HMBOX1: variants seen among roughly 807,000 people sequenced by gnomAD.
The protein encoded by HMBOX1 is homeobox-containing protein 1.
HMBOX1 carries 14 observed loss-of-function variants against 54.5 expected under a neutral mutation model. That is an observed-to-expected ratio of 0.26 (90% CI 0.17 to 0.40). The LOEUF is 0.40. Among genes scored for constraint, HMBOX1 ranks in the 10% least tolerant of loss-of-function variants. HMBOX1 has a pLI of 1.00. For missense variants in HMBOX1, 332 were observed against 514.4 expected (o/e 0.65, Z 3.43); for synonymous variants, 160 against 181.0 (o/e 0.88, Z 0.93).
chr8:28,959,275 A>G (rs1236975984), intron 1 of HMBOX1, among the ~76,000 whole-genome samples: 1 of 152,120 alleles, frequency 6.6e-6, no homozygotes, highest in Admixed American at 6.5e-5. Flanking sequence ...AATAAGTATT[A>G]CTTAAACAGG....
intron 1 of HMBOX1, among the ~76,000 whole-genome samples, chr8:28,940,554 A>G (rs1361030811): frequency 1.3e-5 from 2 of 152,212 alleles, no homozygotes; most frequent in Non-Finnish European, 2.9e-5. Context: ...TTTCTCTGTT[A>G]TATTCCTAAT....
intron 1 of HMBOX1, among the ~76,000 whole-genome samples, chr8:28,935,865 C>CT (rs1276164735): frequency 1.3e-5 from 2 of 152,048 alleles, no homozygotes; most frequent in Non-Finnish European, 2.9e-5. Flanking sequence ...AATCTTGACT[C>CT]TGACACTTGT....
chr8:28,904,105 G>A (rs1813784201), intron 1 of HMBOX1, among the ~76,000 whole-genome samples: 1 of 151,896 alleles, frequency 6.6e-6, no homozygotes, highest in Non-Finnish European at 1.5e-5. Context: ...TCTATCAGTT[G>A]ACACTCTACA....
intron 6 of HMBOX1, among the ~76,000 whole-genome samples, chr8:29,034,594 A>AATTGTATCCAG (rs1395419715): frequency 6.6e-6 from 1 of 152,226 alleles, no homozygotes; most frequent in East Asian, 1.9e-4. Context: ...ACGGTGGCTC[A>AATTGTATCCAG]CACCTGTATC....
At chr8:28,967,795 T>C (rs893256702) in intron 2 of HMBOX1, among the ~76,000 whole-genome samples, 3 of 152,234 alleles carry the variant, frequency 2.0e-5, no homozygotes, top group Middle Eastern at 3.4e-3. Context: ...ATCATGAAAA[T>C]AGGTCTTTTT....
chr8:28,897,504 G>C (rs1456378430), intron 1 of HMBOX1, among the ~76,000 whole-genome samples: 1 of 151,912 alleles, frequency 6.6e-6, no homozygotes, highest in African/African-American at 2.4e-5. Context: ...GTGAAACTTT[G>C]CCTCTACTAA....
chr8:28,945,038 G>A (rs565354902), intron 1 of HMBOX1, among the ~76,000 whole-genome samples: 1 of 152,256 alleles, frequency 6.6e-6, no homozygotes, highest in East Asian at 1.9e-4. Context: ...AAAAGCAAGT[G>A]TTCTCAATAA....
intron 3 of HMBOX1, among the ~76,000 whole-genome samples, chr8:28,973,597 T>G (rs1827810225): frequency 6.6e-6 from 1 of 152,108 alleles, no homozygotes; most frequent in Admixed American, 6.5e-5. Context: ...CTAGATGCTA[T>G]GGTGATATGA....
chr8:29,044,696 C>T (rs985275101), intron 6 of HMBOX1, among the ~76,000 whole-genome samples: 10 of 151,998 alleles, frequency 6.6e-5, no homozygotes, highest in African/African-American at 1.2e-4. Context: ...TGGTATAATA[C>T]CAATATTGAA....
chr8:28,979,619 T>C (rs1193299493), intron 3 of HMBOX1, among the ~76,000 whole-genome samples: 2 of 152,220 alleles, frequency 1.3e-5, no homozygotes, highest in Admixed American at 6.5e-5. Context: ...GGTTTTTAAA[T>C]GAACATTATT....
intron 4 of HMBOX1, among the ~76,000 whole-genome samples, chr8:29,000,229 G>A (rs1272497725): frequency 1.3e-5 from 2 of 152,192 alleles, no homozygotes; most frequent in Non-Finnish European, 2.9e-5. Context: ...CTCTCTCTGT[G>A]TATTGGGCAT....
chr8:29,005,785 C>T (rs1414789850), intron 4 of HMBOX1, among the ~76,000 whole-genome samples: 6 of 151,946 alleles, frequency 3.9e-5, no homozygotes, highest in Non-Finnish European at 7.4e-5. Context: ...ATAGATTAGT[C>T]GTATCTGTTT....
intron 2 of HMBOX1, among the ~76,000 whole-genome samples, chr8:28,966,943 G>T (rs1181167284): frequency 6.6e-6 from 1 of 152,228 alleles, no homozygotes; most frequent in East Asian, 1.9e-4. Flanking sequence ...ACAGCAAGAA[G>T]AGCAGGGATA....
At chr8:28,954,300 T>C (rs1824016267) in intron 1 of HMBOX1, among the ~76,000 whole-genome samples, 1 of 152,140 alleles carries the variant, frequency 6.6e-6, no homozygotes, top group Admixed American at 6.5e-5. Flanking sequence ...TAGAAGGGGC[T>C]CTGTAATGGT....
At chr8:28,923,583 A>G (rs1817902887) in intron 1 of HMBOX1, among the ~76,000 whole-genome samples, 1 of 152,196 alleles carries the variant, frequency 6.6e-6, no homozygotes, top group Admixed American at 6.5e-5. Flanking sequence ...TTTACATTGT[A>G]TTAGATAGTA....
At chr8:28,982,374 G>A (rs942581447) in intron 4 of HMBOX1, among the ~76,000 whole-genome samples, 2 of 152,126 alleles carry the variant, frequency 1.3e-5, no homozygotes, top group African/African-American at 4.8e-5. Flanking sequence ...AACTTCAGTG[G>A]ATTGGCATTA....
Position 28,970,249 on chromosome 8 carries a change from A to G in HMBOX1, c.230A>G (p.Asn77Ser), listed in dbSNP as rs756948127. The change falls in exon 3 of 10, where the codon AAC (asparagine) becomes AGC (serine). Residue 77 changes from asparagine (N) to serine (S), a missense_variant. By Grantham distance (46) the Asn-to-Ser change is conservative. Coordinates refer to ENST00000287701, the MANE Select transcript of HMBOX1 (RefSeq NM_001135726.3). The surrounding 1 kb of genome is among the most constrained non-coding windows in gnomAD (Gnocchi z 4.3). ...YGGSSYGNST[N>S]NVPASSSTAT... The stretch of plus-strand genomic sequence containing the variant: ...GGAAGTTCATATGGGAATAGTACTA[A>G]CAATGTCCCAGCATCTTCCTCTACA... 1.2e-6 allele frequency: 2 copies of G among 1,614,190 alleles called. No individual in the cohort carries two copies. Among genetic ancestry groups the G allele is most frequent in the Non-Finnish European group, 1.7e-6 (2 of 1,179,996 alleles).
chr8:29,008,354 G>A (rs1312365431), intron 4 of HMBOX1, among the ~76,000 whole-genome samples: 1 of 152,112 alleles, frequency 6.6e-6, no homozygotes, highest in African/African-American at 2.4e-5. Flanking sequence ...AGTAATTGCT[G>A]TCAAGAGCTT....
intron 1 of HMBOX1, among the ~76,000 whole-genome samples, chr8:28,909,050 G>A (rs933898586): frequency 2.3e-4 from 35 of 149,712 alleles, no homozygotes; most frequent in African/African-American, 8.6e-4. Flanking sequence ...AGCTATGATC[G>A]CACCACTACA....
Sources: allele counts gnomAD v4.1 joint callset (sites outside exome capture counted in the v4.1 genomes callset), GRCh38; gene constraint gnomAD v4.1.1; non-coding constraint Gnocchi (gnomAD v3.1); transcripts MANE v1.5; gene names NCBI Gene and HGNC (gene_info 2026-07-23, HGNC 2026-07-21).